BARX2: variants seen among roughly 807,000 people sequenced by gnomAD.
The protein encoded by BARX2 is BARX homeobox 2.
A neutral mutation model predicts 25.5 loss-of-function variants in BARX2; 11 were observed. The ratio of observed to expected loss-of-function variants is 0.43; its 90% CI spans 0.27 to 0.71. The LOEUF is 0.71. Ranked by LOEUF, BARX2 falls within the 30% of genes least tolerant of loss-of-function variation. The pLI, the probability that BARX2 is intolerant of heterozygous loss-of-function variation, is 0.19. For missense variants in BARX2, 360 were observed against 359.9 expected, an observed-to-expected ratio of 1.00 and a Z score of 0.00; for synonymous variants, 137 against 149.5, an observed-to-expected ratio of 0.92 and a Z score of 0.61.
rs117703554 is a variant in BARX2 at position 129,380,192 on chromosome 11, G to A, written c.187+3970G>A. On this transcript the variant is annotated intron_variant, in intron 1 of 3. Transcript: ENST00000281437. ...TTGGTTACACACCCGGGACTAACCC[G>A]TGCAGTCACACCCAGGGGACAGTCA... Among the ~76,000 whole-genome samples the A allele has an allele frequency of 8.7e-3, 1,331 of 152,154 alleles. 6 individuals are homozygous for A. Among genetic ancestry groups the A allele is most frequent in the Non-Finnish European group, 0.013 (894 of 68,018 alleles).
At chr11:129,383,853 A>C (rs948631199) in intron 1 of BARX2, among the ~76,000 whole-genome samples, 1 of 152,018 alleles carries the variant, frequency 6.6e-6, no homozygotes, top group Non-Finnish European at 1.5e-5. Flanking sequence ...AGGAAAGATG[A>C]GTATTTTCTG....
At chr11:129,407,004 C>T (rs1196834348) in intron 1 of BARX2, among the ~76,000 whole-genome samples, 2 of 152,214 alleles carry the variant, frequency 1.3e-5, no homozygotes, top group Non-Finnish European at 2.9e-5. Flanking sequence ...TTATATCCTA[C>T]TACGGGAAGG....
intron 2 of BARX2, chr11:129,437,606 C>A: frequency 1.4e-6 from 1 of 710,280 alleles, no homozygotes; most frequent in Non-Finnish European, 1.7e-6. Flanking sequence ...GAGGACCTGG[C>A]TGAGAGCCCC....
chr11:129,426,517 T>C (rs1280561695), intron 1 of BARX2, among the ~76,000 whole-genome samples: 1 of 151,950 alleles, frequency 6.6e-6, no homozygotes, highest in Non-Finnish European at 1.5e-5. Flanking sequence ...GGATTACAGG[T>C]GTGCACCACC....
At chr11:129,401,074 T>C (rs980123665) in intron 1 of BARX2, among the ~76,000 whole-genome samples, 2 of 152,198 alleles carry the variant, frequency 1.3e-5, no homozygotes, top group African/African-American at 2.4e-5. Context: ...GATCCTGCTC[T>C]TCACTAAGAA....
At chr11:129,438,942 C>CA (rs1174828119) in intron 2 of BARX2, among the ~76,000 whole-genome samples, 1 of 152,078 alleles carries the variant, frequency 6.6e-6, no homozygotes, top group African/African-American at 2.4e-5. Flanking sequence ...TTGGCACACA[C>CA]AAGGCAAAGA....
chr11:129,433,794 T>C (rs902446433), intron 1 of BARX2, among the ~76,000 whole-genome samples: 2 of 152,234 alleles, frequency 1.3e-5, no homozygotes, highest in African/African-American at 2.4e-5. Flanking sequence ...CACACTTTGC[T>C]GTATTTTTCA....
intron 3 of BARX2, among the ~76,000 whole-genome samples, chr11:129,447,567 G>A (rs1862345526): frequency 5.3e-5 from 8 of 152,212 alleles, no homozygotes; most frequent in Admixed American, 5.2e-4. Flanking sequence ...TGGAAGGCAA[G>A]GGGCCAGAGG....
intron 1 of BARX2, among the ~76,000 whole-genome samples, chr11:129,429,728 T>C (rs1407189457): frequency 6.6e-6 from 1 of 152,196 alleles, no homozygotes; most frequent in Non-Finnish European, 1.5e-5. Context: ...TAGACCCATG[T>C]ATACATAATA....
chr11:129,427,615 G>A (rs964907730), intron 1 of BARX2, among the ~76,000 whole-genome samples: 2 of 152,170 alleles, frequency 1.3e-5, no homozygotes, highest in African/African-American at 4.8e-5. Flanking sequence ...TGTGTAAACT[G>A]GAAATGTGGG....
At chr11:129,406,802 T>G (rs1861835099) in intron 1 of BARX2, among the ~76,000 whole-genome samples, 1 of 152,146 alleles carries the variant, frequency 6.6e-6, no homozygotes, top group Admixed American at 6.5e-5. Flanking sequence ...TAATTGATGA[T>G]GATGATGTTG....
chr11:129,408,770 A>T (rs1861857729), intron 1 of BARX2, among the ~76,000 whole-genome samples: 1 of 152,122 alleles, frequency 6.6e-6, no homozygotes, highest in African/African-American at 2.4e-5. Flanking sequence ...TCATGATTAA[A>T]TATCTGTTTA....
intron 1 of BARX2, among the ~76,000 whole-genome samples, chr11:129,416,995 G>A (rs934481430): frequency 1.3e-5 from 2 of 151,484 alleles, no homozygotes; most frequent in Non-Finnish European, 1.5e-5. Flanking sequence ...TCCGCCTCCC[G>A]GGTTCACGCC....
chr11:129,394,529 A>G (rs189715937), intron 1 of BARX2, among the ~76,000 whole-genome samples: 205 of 152,124 alleles, frequency 1.3e-3, no homozygotes, highest in African/African-American at 4.8e-3. Context: ...TTTTGGTTAA[A>G]TTTTTTTCCC....
intron 1 of BARX2, among the ~76,000 whole-genome samples, chr11:129,397,523 G>A (rs548946304): frequency 4.6e-5 from 7 of 152,254 alleles, no homozygotes; most frequent in Non-Finnish European, 7.4e-5. Flanking sequence ...GCAGTGATCC[G>A]CACTGAACTT....
chr11:129,417,893 G>C (rs1415621613), intron 1 of BARX2, among the ~76,000 whole-genome samples: 1 of 152,156 alleles, frequency 6.6e-6, no homozygotes, highest in East Asian at 1.9e-4. Context: ...ACCTTGTTCT[G>C]GTACCCATCT....
chr11:129,425,609 A>G (rs1046287858), intron 1 of BARX2, among the ~76,000 whole-genome samples: 4 of 152,200 alleles, frequency 2.6e-5, no homozygotes, highest in African/African-American at 9.6e-5. Context: ...CTGTTGGGCT[A>G]GCTTAATCGA....
chr11:129,377,870 T>C (rs1454121315), intron 1 of BARX2, among the ~76,000 whole-genome samples: 1 of 152,194 alleles, frequency 6.6e-6, no homozygotes, highest in East Asian at 1.9e-4. Context: ...CAGCTTTTCC[T>C]GGCTTATAGG....
intron 1 of BARX2, among the ~76,000 whole-genome samples, chr11:129,413,816 C>A (rs1861914561): frequency 6.6e-6 from 1 of 152,126 alleles, no homozygotes; most frequent in African/African-American, 2.4e-5. Flanking sequence ...GTAATCCCAG[C>A]ACTTTGGGAG....
Sources: gnomAD v4.1 joint callset for allele counts (sites outside exome capture counted in the v4.1 genomes callset) on GRCh38, gnomAD v4.1.1 for gene constraint, MANE v1.5 for transcripts, NCBI Gene and HGNC (gene_info 2026-07-23, HGNC 2026-07-21) for gene names.